The following MICU2 variants were observed in gnomAD, a reference collection of about 807,000 sequenced individuals.
MICU2 encodes mitochondrial calcium uptake 2.
Under a neutral mutation model 60.4 loss-of-function variants are expected in MICU2, and 64 were observed. That is an observed-to-expected ratio of 1.06 (90% CI 0.87 to 1.31). The LOEUF is 1.31. Ranked by LOEUF, MICU2 falls within the 50% of genes most tolerant of loss-of-function variation. The pLI is 0.00. For missense variants in MICU2, 569 were observed against 531.0 expected (o/e 1.07, Z -0.70); for synonymous variants, 201 against 175.0 (o/e 1.15, Z -1.17).
intron 4 of MICU2, chr13:21,531,268 G>T (rs976623205): frequency 4.6e-6 from 7 of 1,508,730 alleles, no homozygotes; most frequent in Non-Finnish European, 6.4e-6. Flanking sequence ...TAGATTGGAA[G>T]ATCCCTTCAA....
Position 21,522,602 on chromosome 13 carries a change from C to A in MICU2, c.514+1G>T, listed in dbSNP as rs761120350. The A allele has an allele frequency of 6.3e-7, 1 of 1,598,342 alleles. No individual in the cohort carries two copies. Among genetic ancestry groups the A allele is most frequent in the South Asian group, 1.1e-5 (1 of 88,038 alleles). On this transcript the variant is annotated splice_donor_variant, in intron 5 of 11. Transcript: ENST00000382374. LOFTEE classifies it high-confidence loss of function. ...TCTGAGAAAAACTGTGGGATACTTACTAGTGAGGATTGTAAGCAAGAAAAG... is the reference window on the plus strand; with the variant it reads ...TCTGAGAAAAACTGTGGGATACTTAATAGTGAGGATTGTAAGCAAGAAAAG...
chr13:21,518,947 GT>G (rs1333986129), intron 6 of MICU2, among the ~76,000 whole-genome samples: 1 of 152,042 alleles, frequency 6.6e-6, no homozygotes, highest in African/African-American at 2.4e-5. Context: ...TGTGGTGTCG[GT>G]CCCCACGACT....
At position 21,603,954 on chromosome 13, in the gene MICU2, A is replaced by G. The variant is rs1445069654; in HGVS notation, c.195T>C (p.Phe65=). The G allele has an allele frequency of 3.7e-6, 6 of 1,612,564 alleles. No individual in the cohort carries two copies. The highest frequency in any genetic ancestry group is 5.1e-6 in the Non-Finnish European group (6 of 1,179,644). ...RVSVAARDGS[F]TVSAQKNVEH... is the part of the protein sequence containing the mutation. ...AGTCCTGTACCTGTGCGGAGACTGT[A>G]AAACTGCCATCCCGCGCCGCAACAC... The change falls in exon 1 of 12, where the codon TTT becomes TTC. Residue 65 remains phenylalanine (F), a synonymous_variant. Transcript: ENST00000382374.
intron 1 of MICU2, among the ~76,000 whole-genome samples, chr13:21,568,398 C>T (rs1210218569): frequency 6.6e-6 from 1 of 152,114 alleles, no homozygotes; most frequent in African/African-American, 2.4e-5. Context: ...GATCTGTACC[C>T]TCACCTTCCC....
At position 21,519,728 on chromosome 13, in the gene MICU2, A is replaced by G. The variant is rs572702827; in HGVS notation, c.597+1517T>C. On this transcript the variant is annotated intron_variant, in intron 6 of 11. Coordinates refer to ENST00000382374, the MANE Select transcript of MICU2 (RefSeq NM_152726.3). ...GATGGCCATTCAGTTGCTCAAGCCC[A>G]ACATTTCCAAGCTCAGAGTCAGGAT... Among the ~76,000 whole-genome samples, 9 of 152,362 alleles carry G rather than the reference A, an allele frequency of 5.9e-5. No homozygotes were observed. In the South Asian group the frequency reaches 1.7e-3, roughly 28 times the overall value.
At chr13:21,569,825 A>T (rs1234346643) in intron 1 of MICU2, among the ~76,000 whole-genome samples, 2 of 151,856 alleles carry the variant, frequency 1.3e-5, no homozygotes, top group Admixed American at 1.3e-4. Flanking sequence ...TTACAAAAAA[A>T]AAAAACAAAA....
chr13:21,526,403 A>AACC (rs1886857378), intron 4 of MICU2, among the ~76,000 whole-genome samples: 1 of 152,068 alleles, frequency 6.6e-6, no homozygotes, highest in Non-Finnish European at 1.5e-5. Context: ...TGTCCTTGGT[A>AACC]TCATTTCACA....
chr13:21,573,717 T>C (rs970066704), intron 1 of MICU2, among the ~76,000 whole-genome samples: 2 of 151,936 alleles, frequency 1.3e-5, no homozygotes, highest in South Asian at 2.1e-4. Flanking sequence ...TTAAAAACTG[T>C]TGTCCAAGGA....
intron 7 of MICU2, among the ~76,000 whole-genome samples, chr13:21,510,477 TTTG>T (rs1886398864): frequency 2.6e-5 from 4 of 152,252 alleles, no homozygotes; most frequent in African/African-American, 9.6e-5. Flanking sequence ...TCTTTGAGCT[TTTG>T]TTGAATGTTG....
chr13:21,496,192 G>C, intron 9 of MICU2, 32 bp from the exon 10 acceptor site: 1 of 1,461,396 alleles, frequency 6.8e-7, no homozygotes, highest in South Asian at 1.2e-5. Flanking sequence ...TTACAATTTT[G>C]TAAGTACATT....
intron 1 of MICU2, among the ~76,000 whole-genome samples, chr13:21,598,291 T>C (rs1888738824): frequency 6.6e-6 from 1 of 152,202 alleles, no homozygotes; most frequent in Non-Finnish European, 1.5e-5. Context: ...TTCATGCAAT[T>C]AACGAGTGAA....
intron 6 of MICU2, among the ~76,000 whole-genome samples, chr13:21,517,795 A>ACGCGCGCG (rs1256874768): frequency 5.9e-5 from 7 of 118,362 alleles, no homozygotes; most frequent in Admixed American, 1.7e-4. Context: ...ACACACACAC[A>ACGCGCGCG]CACACGCGCG....
chr13:21,529,985 T>G (rs962627794), intron 4 of MICU2, among the ~76,000 whole-genome samples: 2 of 152,084 alleles, frequency 1.3e-5, no homozygotes, highest in Admixed American at 6.5e-5. Flanking sequence ...AAGTTAAGGG[T>G]GGCCAGCATT....
chr13:21,536,215 AATAG>A (rs1230580661), intron 4 of MICU2, among the ~76,000 whole-genome samples: 31 of 152,222 alleles, frequency 2.0e-4, no homozygotes, highest in Admixed American at 1.3e-3. Context: ...AATGTACAGA[AATAG>A]ATATTTATCA....
intron 4 of MICU2, among the ~76,000 whole-genome samples, chr13:21,525,943 TATTTA>T (rs1886843687): frequency 6.8e-6 from 1 of 147,214 alleles, no homozygotes; most frequent in Middle Eastern, 3.2e-3. Flanking sequence ...TTTATTTATT[TATTTA>T]TTTTTTAACA....
chr13:21,593,591 A>C (rs1326958451), intron 1 of MICU2, among the ~76,000 whole-genome samples: 3 of 150,508 alleles, frequency 2.0e-5, no homozygotes, highest in African/African-American at 4.9e-5. Flanking sequence ...AAAAAAAAAA[A>C]AAACAAAGCT....
At chr13:21,578,392 G>C (rs1213603836) in intron 1 of MICU2, among the ~76,000 whole-genome samples, 1 of 152,166 alleles carries the variant, frequency 6.6e-6, no homozygotes, top group Non-Finnish European at 1.5e-5. Flanking sequence ...TTTGAGACTA[G>C]TCTAGGGAAC....
At chr13:21,494,871 T>C (rs1034425764) in intron 11 of MICU2, among the ~76,000 whole-genome samples, 2 of 151,156 alleles carry the variant, frequency 1.3e-5, no homozygotes, top group Non-Finnish European at 3.0e-5. Flanking sequence ...TAAAAAATTA[T>C]TTTTTTTTGG....
In MICU2 at chr13:21,515,227, A is replaced by G. The variant is rs373288669; in HGVS notation, c.598-809T>C. Among the ~76,000 whole-genome samples the G allele has an allele frequency of 1.1e-3, 172 of 151,746 alleles. 2 individuals are homozygous for G. In the Middle Eastern group the frequency reaches 0.031, roughly 27 times the overall value. ...CTCCCGAGTAGCTGGGACTACAGGC[A>G]CCCGCCACCATGCCTGGCTAATTTT... On this transcript the variant is annotated intron_variant, in intron 6 of 11. Transcript: ENST00000382374.
Sources: gnomAD v4.1 joint callset for allele counts (sites outside exome capture counted in the v4.1 genomes callset) on GRCh38, gnomAD v4.1.1 for gene constraint, MANE v1.5 for transcripts, NCBI Gene and HGNC (gene_info 2026-07-23, HGNC 2026-07-21) for gene names.